Variants in PIP4P2 observed in about 807,000 individuals in gnomAD.
PIP4P2 encodes the protein type 2 phosphatidylinositol 4,5-bisphosphate 4-phosphatase.
Under a neutral mutation model 33.3 loss-of-function variants are expected in PIP4P2, and 19 were observed. That is an observed-to-expected ratio of 0.57 (90% CI 0.40 to 0.84). PIP4P2 has a LOEUF of 0.84. PIP4P2 is among the 40% of genes least tolerant of loss of function. PIP4P2 has a pLI of 0.00. For missense variants in PIP4P2, 270 were observed against 324.7 expected (o/e 0.83, Z 1.29); for synonymous variants, 110 against 111.9 (o/e 0.98, Z 0.11).
At chr8:91,003,982 G>A (rs1811734154) in intron 5 of PIP4P2, among the ~76,000 whole-genome samples, 1 of 151,798 alleles carries the variant, frequency 6.6e-6, no homozygotes, top group Non-Finnish European at 1.5e-5. Context: ...TAGATAGATA[G>A]ATAGATAGAT....
chr8:91,032,780 C>CAAA (rs34482470), intron 1 of PIP4P2, among the ~76,000 whole-genome samples: 2 of 98,724 alleles, frequency 2.0e-5, no homozygotes, highest in Admixed American at 1.1e-4. Context: ...GAGTCTGTCT[C>CAAA]AAAAAAAAAA....
intron 1 of PIP4P2, among the ~76,000 whole-genome samples, chr8:91,035,993 C>A (rs1302843697): frequency 6.6e-6 from 1 of 151,610 alleles, no homozygotes; most frequent in Non-Finnish European, 1.5e-5. Context: ...GCCTGAGCAA[C>A]AGAGTAAGAA....
chr8:91,025,971 A>G (rs1463849852), intron 1 of PIP4P2, among the ~76,000 whole-genome samples: 1 of 152,216 alleles, frequency 6.6e-6, no homozygotes, highest in East Asian at 1.9e-4. Context: ...TCCCAGAACA[A>G]TGACATTCTT....
Position 90,996,705 on chromosome 8 carries a change from A to G in PIP4P2, c.579T>C (p.Cys193=). ...ATATCATTCCAATGGTAATATATGCACAGCAGCGTCTTCGTGGAAGTGCAC... is the reference window on the plus strand; with the variant it reads ...ATATCATTCCAATGGTAATATATGCGCAGCAGCGTCTTCGTGGAAGTGCAC... ...VGSALPRRRC[C]AYITIGMICI... Residue 193 remains cysteine, a synonymous_variant, in exon 6 of 7, where the codon TGT becomes TGC. Transcript: ENST00000285419. 6.2e-7 allele frequency: 1 copy of G among 1,610,510 alleles called. No individual in the cohort carries two copies. The highest frequency in any genetic ancestry group is 1.1e-5 in the South Asian group (1 of 90,392).
At chr8:91,020,761 C>G (rs1811996974) in intron 2 of PIP4P2, among the ~76,000 whole-genome samples, 2 of 152,236 alleles carry the variant, frequency 1.3e-5, no homozygotes, top group South Asian at 4.1e-4. Context: ...AAATGTCAAA[C>G]TATTTGTAAA....
intron 4 of PIP4P2, among the ~76,000 whole-genome samples, chr8:91,012,123 G>A (rs921597849): frequency 5.3e-5 from 8 of 151,534 alleles, no homozygotes; most frequent in Admixed American, 3.9e-4. Context: ...TCTTTTCTTT[G>A]ACTCTAGAAA....
chr8:91,026,493 C>CT (rs1812086153), intron 1 of PIP4P2, among the ~76,000 whole-genome samples: 1 of 152,162 alleles, frequency 6.6e-6, no homozygotes, highest in South Asian at 2.1e-4. Flanking sequence ...GACCCCTCCT[C>CT]TAAGTTACTA....
At chr8:91,014,758 G>GAGAC (rs372351975) in intron 4 of PIP4P2, among the ~76,000 whole-genome samples, 2 of 142,652 alleles carry the variant, frequency 1.4e-5, no homozygotes, top group Non-Finnish European at 3.0e-5. Flanking sequence ...TTACCACAAA[G>GAGAC]ACACACACAC....
chr8:91,020,234 T>C lies in PIP4P2; in HGVS notation c.285A>G (p.Lys95=). The change falls in exon 3 of 7, where the codon AAA becomes AAG. Residue 95 remains lysine, a synonymous_variant. Transcript: ENST00000285419. Reference sequence around the variant, plus strand: ...GACAATTACAAGGGCATCTAACATATTTCTTGCCTGTTGGGGGGTTTTTGA... The same window carrying C: ...GACAATTACAAGGGCATCTAACATACTTCTTGCCTGTTGGGGGGTTTTTGA... The part of the protein sequence containing the change: ...TPIKNPPTGK[K]YVRCPCNCLL... 6.2e-7 allele frequency: 1 copy of C among 1,613,802 alleles called. No individual in the cohort carries two copies. Among genetic ancestry groups the C allele is most frequent in the Non-Finnish European group, 8.5e-7 (1 of 1,179,822 alleles).
intron 1 of PIP4P2, among the ~76,000 whole-genome samples, chr8:91,032,061 A>C (rs186544798): frequency 6.6e-6 from 1 of 152,222 alleles, no homozygotes; most frequent in Non-Finnish European, 1.5e-5. Context: ...TGAGATGTAA[A>C]GTAACGATTC....
In PIP4P2 at chr8:91,019,963, TTATATCCTACAAA is replaced by T. The variant is rs573363686; in HGVS notation, c.362+181_362+193del. Among the ~76,000 whole-genome samples, 117 of 152,308 alleles carry T rather than the reference TTATATCCTACAAA, an allele frequency of 7.7e-4. 1 individual carries two copies. The highest frequency in any genetic ancestry group is 2.7e-3 in the African/African-American group (113 of 41,562). On this transcript the variant is annotated intron_variant, in intron 3 of 6. Coordinates refer to ENST00000285419, the MANE Select transcript of PIP4P2 (RefSeq NM_018710.3). The stretch of plus-strand genomic sequence containing the variant: ...AACATTCATTGCTCATTTAAGAATA[TTATATCCTACAAA>T]TATCTATGACTAAGTTCAAACTAAG...
In PIP4P2 at chr8:91,040,672, TG is replaced by T. The variant is rs759289773; in HGVS notation, c.77del (p.Pro26HisfsTer30). 2 of 1,613,526 alleles carry T rather than the reference TG, an allele frequency of 1.2e-6. No homozygotes were observed. Among genetic ancestry groups the T allele is most frequent in the Non-Finnish European group, 1.7e-6 (2 of 1,179,984 alleles). On this transcript the variant is annotated frameshift_variant, in exon 1 of 7. Transcript: ENST00000285419. LOFTEE classifies it high-confidence loss of function. ...TGGGGCTGCTTTCTTGCAAGTACGG[TG>T]GGGCGGTGGGAGTGACATTTCCGGA... is the stretch of plus-strand genomic sequence containing the variant. ...SHSGNVTPTA[P>X]PYLQESSPRA...
At chr8:91,028,700 C>T (rs897614909) in intron 1 of PIP4P2, among the ~76,000 whole-genome samples, 2 of 152,168 alleles carry the variant, frequency 1.3e-5, no homozygotes, top group African/African-American at 2.4e-5. Context: ...AAAGCAACAC[C>T]ACATCCCTGG....
At chr8:91,010,517 C>A (rs1811820158) in intron 4 of PIP4P2, among the ~76,000 whole-genome samples, 1 of 151,916 alleles carries the variant, frequency 6.6e-6, no homozygotes, top group Non-Finnish European at 1.5e-5. Context: ...AACTGACAAA[C>A]AGTAGGGACT....
chr8:91,033,772 TTTTG>T (rs1456538945), intron 1 of PIP4P2, among the ~76,000 whole-genome samples: 2 of 152,006 alleles, frequency 1.3e-5, no homozygotes, highest in African/African-American at 2.4e-5. Flanking sequence ...TGTCCCTTGT[TTTTG>T]TTTATTTATT....
intron 4 of PIP4P2, among the ~76,000 whole-genome samples, chr8:91,018,106 A>G (rs745994342): frequency 2.4e-4 from 37 of 152,172 alleles, no homozygotes; most frequent in Non-Finnish European, 4.1e-4. Flanking sequence ...GCTGCTCCCC[A>G]AGCCAAGATA....
At chr8:91,037,744 C>T (rs12545269) in intron 1 of PIP4P2, among the ~76,000 whole-genome samples, 72,026 of 151,904 alleles carry the variant, frequency 0.47, 19,272 homozygotes, top group South Asian at 0.64. Flanking sequence ...GTATATAATC[C>T]CATTTCCATA....
At chr8:91,002,322 C>T (rs531980563) in intron 5 of PIP4P2, among the ~76,000 whole-genome samples, 4 of 152,222 alleles carry the variant, frequency 2.6e-5, no homozygotes, top group South Asian at 2.1e-4. Flanking sequence ...AGGGCATATA[C>T]AAAAATGTGG....
In PIP4P2 at chr8:91,021,418, A is replaced by G; in HGVS notation, c.107-14T>C. The G allele has an allele frequency of 6.2e-7, 1 of 1,612,734 alleles. No homozygotes were observed. The highest frequency in any genetic ancestry group is 8.5e-7 in the Non-Finnish European group (1 of 1,179,178). On this transcript the variant is annotated splice_polypyrimidine_tract_variant and intron_variant, in intron 1 of 6. Coordinates refer to ENST00000285419, the MANE Select transcript of PIP4P2 (RefSeq NM_018710.3). The stretch of plus-strand genomic sequence containing the variant: ...GTGGGAGCTCCGCTGAAAAGATATT[A>G]GTCACTGAATCAGAGTCTTGGAGAA...
Sources: gnomAD v4.1 joint callset for allele counts (sites outside exome capture counted in the v4.1 genomes callset) on GRCh38, gnomAD v4.1.1 for gene constraint, MANE v1.5 for transcripts, NCBI Gene and HGNC (gene_info 2026-07-23, HGNC 2026-07-21) for gene names.